UGT1A4: variants seen among roughly 807,000 people sequenced by gnomAD.
UGT1A4 encodes the protein UDP-glucuronosyltransferase 1A4.
A neutral mutation model predicts 41.1 loss-of-function variants in UGT1A4; 32 were observed. That is an observed-to-expected ratio of 0.78 (90% confidence interval 0.59 to 1.05). The LOEUF (loss-of-function observed/expected upper bound fraction) is 1.05. Ranked by LOEUF, UGT1A4 falls within the 50% of genes least tolerant of loss-of-function variation. The pLI is 0.00. For missense variants in UGT1A4, 748 were observed against 677.4 expected (o/e 1.10, Z -1.16); for synonymous variants, 283 against 265.1 (o/e 1.07, Z -0.66).
rs557040072 is a variant in UGT1A4 at position 233,724,531 on chromosome 2, C to A, written c.867+4844C>A. ...CCTCACCTCCCAGATGGGGTCTCGCCGGGCAGAGGCGCTCCTCACATCCCA... is the reference window on the plus strand; with the variant it reads ...CCTCACCTCCCAGATGGGGTCTCGCAGGGCAGAGGCGCTCCTCACATCCCA... On this transcript the variant is annotated intron_variant, in intron 1 of 4. Transcript: ENST00000373409. 8.8e-3 allele frequency among the ~76,000 whole-genome samples: 1,074 copies of A among 121,634 alleles called. 62 individuals carry two copies. Among genetic ancestry groups the A allele is most frequent in the African/African-American group, 0.033 (990 of 29,780 alleles). 79.8% of individuals were successfully genotyped at this position (121,634 alleles called of 152,430 possible). A position where few individuals can be genotyped will look rare whatever the true frequency, so the allele number is the denominator to read the frequency against.
chr2:233,743,907 A>G, intron 1 of UGT1A4: 2 of 1,366,260 alleles, frequency 1.5e-6, no homozygotes, highest in Non-Finnish European at 2.0e-6. Flanking sequence ...ACCTCGTAGT[A>G]GTCCACCATG....
intron 1 of UGT1A4, among the ~76,000 whole-genome samples, chr2:233,763,758 G>C (rs1698394922): frequency 6.6e-6 from 1 of 152,148 alleles, no homozygotes; most frequent in South Asian, 2.1e-4. Flanking sequence ...TGTGTCTGAA[G>C]GAAAAGAGAT....
At chr2:233,768,469 G>T (rs1403858659) in intron 4 of UGT1A4, 30 bp downstream of exon 4, 1 of 1,603,172 alleles carries the variant, frequency 6.2e-7, no homozygotes, top group East Asian at 2.2e-5. Flanking sequence ...AGAATACTTT[G>T]GTCATGGCAT....
chr2:233,749,284 A>G (rs1432188982), intron 1 of UGT1A4, among the ~76,000 whole-genome samples: 1 of 151,920 alleles, frequency 6.6e-6, no homozygotes, highest in East Asian at 1.9e-4. Flanking sequence ...TATGCAGTGT[A>G]GTTATTCAAT....
chr2:233,747,353 C>G, intron 1 of UGT1A4: 1 of 1,602,858 alleles, frequency 6.2e-7, no homozygotes, highest in Non-Finnish European at 8.5e-7. Flanking sequence ...TGCGGGAGGC[C>G]GTGCGGGAGC....
rs45449797 is a variant in UGT1A4 at position 233,730,263 on chromosome 2, G to T, written c.867+10576G>T. On this transcript the variant is annotated intron_variant, in intron 1 of 4. Coordinates refer to ENST00000373409, the MANE Select transcript of UGT1A4 (RefSeq NM_007120.3). ...ACTGGTGTGACTCATAGAGACTGTTGGTTTGTAAAGGCACCATCTTCATGG... is the reference window on the plus strand; with the variant it reads ...ACTGGTGTGACTCATAGAGACTGTTTGTTTGTAAAGGCACCATCTTCATGG... Among the ~76,000 whole-genome samples, 819 of 152,182 alleles carry T rather than the reference G, an allele frequency of 5.4e-3. 8 individuals carry two copies. The highest frequency in any genetic ancestry group is 0.019 in the African/African-American group (780 of 41,512).
At chr2:233,764,234 G>A (rs1271610105) in intron 1 of UGT1A4, among the ~76,000 whole-genome samples, 2 of 152,142 alleles carry the variant, frequency 1.3e-5, no homozygotes, top group Non-Finnish European at 2.9e-5. Flanking sequence ...GTGGGGGATT[G>A]GAGTGTTATT....
intron 4 of UGT1A4, chr2:233,770,393 C>G (rs1386962280): frequency 3.3e-5 from 5 of 152,162 alleles, no homozygotes; most frequent in Admixed American, 3.3e-4. Context: ...GTGGCTCATG[C>G]CTGTAGTCCC....
intron 1 of UGT1A4, among the ~76,000 whole-genome samples, chr2:233,765,676 A>T (rs544202607): frequency 2.0e-5 from 3 of 151,708 alleles, no homozygotes; most frequent in Non-Finnish European, 4.4e-5. Flanking sequence ...TGGCATATGT[A>T]TCCCAGAACT....
intron 1 of UGT1A4, among the ~76,000 whole-genome samples, chr2:233,748,634 A>G (rs1335024517): frequency 6.6e-6 from 1 of 151,774 alleles, no homozygotes; most frequent in East Asian, 1.9e-4. Context: ...GTCTGTGATT[A>G]TAGAATTACA....
chr2:233,756,447 C>T (rs1249165740), intron 1 of UGT1A4: 1 of 151,922 alleles, frequency 6.6e-6, no homozygotes, highest in Non-Finnish European at 1.5e-5. Context: ...TTGTTCCCCC[C>T]AAATATTTTC....
rs1180675848 is a variant in UGT1A4, at chr2:233,719,660, C to T, written c.840C>T (p.Asn280=). 1 of 1,614,116 alleles carries T rather than the reference C, an allele frequency of 6.2e-7. No individual in the cohort carries two copies. The highest frequency in any genetic ancestry group is 1.1e-5 in the South Asian group (1 of 91,078). Residue 280 remains asparagine, a synonymous_variant, in exon 1 of 5, where the codon AAC becomes AAT. Coordinates refer to ENST00000373409, the MANE Select transcript of UGT1A4 (RefSeq NM_007120.3). ...MPNMVFIGGI[N]CANGKPLSQE... The stretch of plus-strand genomic sequence containing the variant: ...ACATGGTCTTCATTGGGGGCATCAA[C>T]TGTGCCAACGGGAAGCCACTATCTC...
intron 1 of UGT1A4, among the ~76,000 whole-genome samples, chr2:233,744,613 C>G (rs1692866168): frequency 6.6e-6 from 1 of 151,808 alleles, no homozygotes; most frequent in South Asian, 2.1e-4. Context: ...GTACTTGGCT[C>G]TATAGAGAGG....
intron 1 of UGT1A4, among the ~76,000 whole-genome samples, chr2:233,742,109 C>T (rs544656761): frequency 8.6e-5 from 13 of 151,972 alleles, no homozygotes; most frequent in Admixed American, 7.8e-4. Context: ...ACTGCCAAGA[C>T]CAGCTTGGTC....
chr2:233,725,805 C>A (rs2077476454), intron 1 of UGT1A4, among the ~76,000 whole-genome samples: 1 of 152,220 alleles, frequency 6.6e-6, no homozygotes, highest in Non-Finnish European at 1.5e-5. Context: ...TCCTTAAAAT[C>A]CATTTTATTG....
chr2:233,762,963 G>A (rs1465614269), intron 1 of UGT1A4, among the ~76,000 whole-genome samples: 1 of 152,144 alleles, frequency 6.6e-6, no homozygotes, highest in East Asian at 1.9e-4. Flanking sequence ...TAGGAAAGAT[G>A]CCCGTCTTGC....
At chr2:233,736,896 C>T (rs1212789655) in intron 1 of UGT1A4, among the ~76,000 whole-genome samples, 1 of 152,186 alleles carries the variant, frequency 6.6e-6, no homozygotes, top group Non-Finnish European at 1.5e-5. Context: ...GCTGCCTGAT[C>T]CTTCCTCTGG....
intron 1 of UGT1A4, among the ~76,000 whole-genome samples, chr2:233,757,613 T>G (rs972874024): frequency 6.8e-6 from 1 of 146,622 alleles, no homozygotes; most frequent in Non-Finnish European, 1.5e-5. Context: ...TGCAAACTGC[T>G]AAAAGATACA....
At chr2:233,721,414 A>G (rs1463398492) in intron 1 of UGT1A4, 1 of 155,730 alleles carries the variant, frequency 6.4e-6, no homozygotes, top group Non-Finnish European at 1.4e-5. Context: ...TAGGACAGGT[A>G]CCCTAAGCAT....
Sources: gnomAD v4.1 joint callset for allele counts (sites outside exome capture counted in the v4.1 genomes callset) on GRCh38, gnomAD v4.1.1 for gene constraint, MANE v1.5 for transcripts, NCBI Gene and HGNC (gene_info 2026-07-23, HGNC 2026-07-21) for gene names.